The following WNT8B variants were observed in gnomAD, a reference collection of about 807,000 sequenced individuals.
The protein encoded by WNT8B is protein Wnt-8b.
Under a neutral mutation model 36.6 loss-of-function variants are expected in WNT8B, and 24 were observed. That is an observed-to-expected ratio of 0.66 (90% CI 0.48 to 0.92). The LOEUF is 0.92. Ranked by LOEUF, WNT8B falls within the 40% of genes least tolerant of loss-of-function variation. The pLI, the probability that WNT8B is intolerant of heterozygous loss-of-function variation, is 0.00. For synonymous variants in WNT8B, 199 were observed against 189.8 expected (o/e 1.05, Z -0.40); for missense variants, 402 against 470.8 (o/e 0.85, Z 1.35).
At chr10:100,480,297 T>A (rs947681069) in intron 3 of WNT8B, among the ~76,000 whole-genome samples, 10 of 152,074 alleles carry the variant, frequency 6.6e-5, no homozygotes, top group African/African-American at 2.4e-4. Flanking sequence ...CCTCACAATG[T>A]AAGTAATATC....
intron 1 of WNT8B, among the ~76,000 whole-genome samples, chr10:100,470,399 A>G (rs1589723197): frequency 1.3e-5 from 2 of 152,100 alleles, no homozygotes; most frequent in South Asian, 4.2e-4. Flanking sequence ...TATGATTTTT[A>G]TTTTTATTTT....
chr10:100,472,149 C>G (rs550336677), intron 1 of WNT8B, among the ~76,000 whole-genome samples: 1 of 148,802 alleles, frequency 6.7e-6, no homozygotes, highest in Non-Finnish European at 1.5e-5. Context: ...CTTGCTCTGT[C>G]GCCCAGGCTG....
intron 1 of WNT8B, among the ~76,000 whole-genome samples, chr10:100,477,773 AGTTTTTTTTT>A (rs58148224): frequency 1.4e-5 from 2 of 144,160 alleles, no homozygotes; most frequent in African/African-American, 2.7e-5. Flanking sequence ...GTTCATTTTT[AGTTTTTTTTT>A]GTTTTTTTTT....
chr10:100,476,017 C>A (rs1277020217), intron 1 of WNT8B, among the ~76,000 whole-genome samples: 1 of 151,890 alleles, frequency 6.6e-6, no homozygotes, highest in Non-Finnish European at 1.5e-5. Context: ...GGTGGCTGGG[C>A]GCGGTGGCTC....
intron 1 of WNT8B, among the ~76,000 whole-genome samples, chr10:100,473,680 C>T (rs751650922): frequency 1.9e-4 from 29 of 152,156 alleles, no homozygotes; most frequent in Admixed American, 2.6e-4. Flanking sequence ...TAATCTTGCA[C>T]TTTGGGAGGC....
chr10:100,482,000 A>G lies in WNT8B; in HGVS notation c.456A>G (p.Thr152=), dbSNP rs1212022732. 1.9e-6 allele frequency: 3 copies of G among 1,614,076 alleles called. No homozygotes were observed. In the East Asian group the frequency reaches 6.7e-5, roughly 36 times the overall value. ...ISKQFVDALE[T]GQDARAAMNL... is the part of the protein sequence containing the mutation. The stretch of plus-strand genomic sequence containing the variant: ...AGCAGTTTGTCGATGCCCTGGAAAC[A>G]GGACAGGATGCACGGGCAGCCATGA... The change falls in exon 5 of 6, where the codon ACA becomes ACG. Residue 152 remains threonine, a synonymous_variant. Coordinates refer to ENST00000343737, the MANE Select transcript of WNT8B (RefSeq NM_003393.4).
chr10:100,467,753 T>A (rs1416695989), intron 1 of WNT8B, among the ~76,000 whole-genome samples: 2 of 152,200 alleles, frequency 1.3e-5, no homozygotes, highest in Non-Finnish European at 2.9e-5. Flanking sequence ...GTTTTAAAAT[T>A]TTCATACTAT....
At position 100,472,637 on chromosome 10, in the gene WNT8B, A is replaced by G. The variant is rs1850992138; in HGVS notation, c.69-6415A>G. Reference sequence around the variant, plus strand: ...AAACTTTATATCAGTGTATACACACACACACGTATACTGGACAGCTAACAC... The same window carrying G: ...AAACTTTATATCAGTGTATACACACGCACACGTATACTGGACAGCTAACAC... On this transcript the variant is annotated intron_variant, in intron 1 of 5. Coordinates refer to ENST00000343737, the MANE Select transcript of WNT8B (RefSeq NM_003393.4). Among the ~76,000 whole-genome samples the G allele has an allele frequency of 2.0e-5, 3 of 152,364 alleles. No individual in the cohort carries two copies. The South Asian group carries it at 6.2e-4, about 32-fold the overall frequency.
rs1378617749 is a variant in WNT8B, at chr10:100,482,537, C to A, written c.777C>A (p.Asn259Lys). ...LEDSPDYCLE[N>K]KTLGLLGTEG... ...ACTCCCCGGACTACTGCCTGGAGAA[C>A]AAAACGCTAGGGCTGCTGGGCACCG... Residue 259 changes from asparagine to lysine, a missense_variant, in exon 6 of 6, where the codon AAC (asparagine) becomes AAA (lysine). By Grantham distance (94) the Asn-to-Lys change is moderately conservative (BLOSUM62 0). Transcript: ENST00000343737. This position sits in a 1 kb window ranked among gnomAD's most constrained non-coding sequence, Gnocchi z 6.6. 1 of 1,599,784 alleles carries A rather than the reference C, an allele frequency of 6.3e-7. No homozygotes were observed. Among genetic ancestry groups the A allele is most frequent in the Admixed American group, 1.7e-5 (1 of 59,836 alleles).
intron 1 of WNT8B, among the ~76,000 whole-genome samples, chr10:100,477,864 C>T (rs755272419): frequency 6.6e-6 from 1 of 151,132 alleles, no homozygotes; most frequent in African/African-American, 2.4e-5. Flanking sequence ...GCAGCCTCTG[C>T]CTCCCAGGTT....
chr10:100,464,433 G>T (rs900534019), intron 1 of WNT8B, among the ~76,000 whole-genome samples: 2 of 152,156 alleles, frequency 1.3e-5, no homozygotes, highest in Non-Finnish European at 2.9e-5. Flanking sequence ...CTATTTCAGA[G>T]CATTTCTACT....
intron 1 of WNT8B, among the ~76,000 whole-genome samples, chr10:100,478,447 C>G (rs1167997503): frequency 3.3e-5 from 5 of 152,178 alleles, no homozygotes; most frequent in African/African-American, 4.8e-5. Flanking sequence ...TTCTCTCCCC[C>G]ACTTCATGGC....
At chr10:100,464,905 C>T (rs1025588096) in intron 1 of WNT8B, among the ~76,000 whole-genome samples, 3 of 152,152 alleles carry the variant, frequency 2.0e-5, no homozygotes, top group East Asian at 3.8e-4. Flanking sequence ...TAACATTAAA[C>T]GTTGATTATG....
At chr10:100,467,400 A>T (rs1850918721) in intron 1 of WNT8B, among the ~76,000 whole-genome samples, 2 of 152,180 alleles carry the variant, frequency 1.3e-5, no homozygotes, top group Admixed American at 1.3e-4. Context: ...AGTAGTCCCA[A>T]TAAGACCCTA....
intron 3 of WNT8B, among the ~76,000 whole-genome samples, chr10:100,480,365 GA>G (rs991113799): frequency 4.9e-4 from 75 of 152,202 alleles, no homozygotes; most frequent in African/African-American, 1.8e-3. Context: ...TCAGCAGAGA[GA>G]TACTGGGCAA....
intron 1 of WNT8B, 138 bp from the exon 2 acceptor site, chr10:100,478,914 A>T: frequency 1.4e-6 from 1 of 723,828 alleles, no homozygotes; most frequent in Non-Finnish European, 2.2e-6. Flanking sequence ...TGTTATGCAC[A>T]GTGTTTCCTG....
rs559888773 is a variant in WNT8B at position 100,482,810 on chromosome 10, A to G, written c.1050A>G (p.Lys350=). The change falls in exon 6 of 6, where the codon AAA becomes AAG. Residue 350 remains lysine (K), a synonymous_variant. Transcript: ENST00000343737. This position sits in a 1 kb window ranked among gnomAD's most constrained non-coding sequence, Gnocchi z 6.6. ...RGGAAHKPGR[K]P ...GCGCTGCGCACAAACCCGGGAGAAA[A>G]CCCTAAGGGTTTCCTCTGCCCCCTC... is the stretch of plus-strand genomic sequence containing the variant. 6.4e-7 allele frequency: 1 copy of G among 1,552,952 alleles called. No homozygotes were observed. Among genetic ancestry groups the G allele is most frequent in the South Asian group, 1.2e-5 (1 of 83,474 alleles).
chr10:100,471,104 A>G (rs1379967810), intron 1 of WNT8B, among the ~76,000 whole-genome samples: 1 of 152,282 alleles, frequency 6.6e-6, no homozygotes, highest in Admixed American at 6.5e-5. Context: ...AGTAGTCAGT[A>G]CAATAACATG....
At chr10:100,469,567 C>G (rs1214317492) in intron 1 of WNT8B, among the ~76,000 whole-genome samples, 1 of 152,224 alleles carries the variant, frequency 6.6e-6, no homozygotes, top group Non-Finnish European at 1.5e-5. Flanking sequence ...TTAAACTTAA[C>G]TCTCTCAAAT....
Sources: gnomAD v4.1 joint callset for allele counts (sites outside exome capture counted in the v4.1 genomes callset) on GRCh38, gnomAD v4.1.1 for gene constraint, Gnocchi (gnomAD v3.1) non-coding constraint, MANE v1.5 for transcripts, NCBI Gene and HGNC (gene_info 2026-07-23, HGNC 2026-07-21) for gene names.